The following ATG16L2 variants were observed in gnomAD, a reference collection of about 807,000 sequenced individuals.
ATG16L2 encodes the protein protein Atg16l2.
ATG16L2 carries 77 observed loss-of-function variants against 84.7 expected under a neutral mutation model. That is an observed-to-expected ratio of 0.91 (90% CI 0.76 to 1.10). The LOEUF is 1.10. ATG16L2 is among the 50% of genes least tolerant of loss of function. ATG16L2 has a pLI of 0.00. For synonymous variants in ATG16L2, 361 were observed against 342.8 expected (o/e 1.05, Z -0.59); for missense variants, 782 against 817.6 (o/e 0.96, Z 0.53).
chr11:72,826,453 A>G, intron 11 of ATG16L2, 65 bp from the exon 12 acceptor site: 1 of 1,599,912 alleles, frequency 6.3e-7, no homozygotes, highest in Non-Finnish European at 8.5e-7. Context: ...CCCTAGCCTC[A>G]TTCTGTGGCC....
chr11:72,824,136 T>C lies in ATG16L2; in HGVS notation c.887+14T>C, dbSNP rs769972686. The C allele has an allele frequency of 6.6e-5, 107 of 1,614,034 alleles. No homozygotes were observed. Among genetic ancestry groups the C allele is most frequent in the Admixed American group, 2.5e-4 (15 of 60,012 alleles). ...GGGGCTTCTGGAGTAAGTGTGTGTGTGCCTGTGTGTGCACCCACGTGTGTG... is the reference window on the plus strand; with the variant it reads ...GGGGCTTCTGGAGTAAGTGTGTGTGCGCCTGTGTGTGCACCCACGTGTGTG... On this transcript the variant is annotated intron_variant, in intron 8 of 17. Coordinates refer to ENST00000321297, the MANE Select transcript of ATG16L2 (RefSeq NM_033388.2).
chr11:72,830,889 C>A (rs142644434), downstream of ATG16L2, among the ~76,000 whole-genome samples: 93 of 152,360 alleles, frequency 6.1e-4, no homozygotes, highest in Middle Eastern at 3.4e-3. Context: ...CTTAGCCTCC[C>A]CAGTAGCTGG....
chr11:72,830,786 G>C (rs545938917), downstream of ATG16L2, among the ~76,000 whole-genome samples: 43 of 27,132 alleles, frequency 1.6e-3, no homozygotes, highest in African/African-American at 5.7e-3. Flanking sequence ...TCATTTCCTT[G>C]CTATTCATTC....
At chr11:72,830,985 T>C (rs886172128), downstream of ATG16L2, among the ~76,000 whole-genome samples, 1 of 152,224 alleles carries the variant, frequency 6.6e-6, no homozygotes, top group African/African-American at 2.4e-5. Context: ...TCCCAGAATG[T>C]TCTCCTTCCC....
intron 14 of ATG16L2, among the ~76,000 whole-genome samples, 168 bp downstream of exon 14, chr11:72,827,461 G>A (rs895744697): frequency 2.6e-4 from 40 of 152,312 alleles, no homozygotes; most frequent in Non-Finnish European, 4.6e-4. Context: ...CTCAGCTCCC[G>A]CAGGAAGCTG....
chr11:72,840,396 G>C (rs1860882624), intron 5 of ATG16L2, among the ~76,000 whole-genome samples: 1 of 152,232 alleles, frequency 6.6e-6, no homozygotes, highest in Admixed American at 6.5e-5. Context: ...TTGGAGTACA[G>C]TGGTGGGTGG....
rs1860083788 is a variant in ATG16L2, at chr11:72,822,672, C to T, written c.710+129C>T. The T allele has an allele frequency of 8.0e-7, 1 of 1,255,466 alleles. No individual in the cohort carries two copies. The highest frequency in any genetic ancestry group is 1.5e-5 in the African/African-American group (1 of 65,598). The allele number at this position is 1,255,466 out of a possible 1,614,324, so 77.8% of individuals were successfully genotyped here. On this transcript the variant is annotated intron_variant, in intron 6 of 17. Coordinates refer to ENST00000321297, the MANE Select transcript of ATG16L2 (RefSeq NM_033388.2). The surrounding 1 kb of genome is among the most constrained non-coding windows in gnomAD (Gnocchi z 4.2). The stretch of plus-strand genomic sequence containing the variant: ...GAGGCCCCCATGTGGTCGGAGCCCA[C>T]GAGACACCTGCAGAGGACCGTGTGG...
chr11:72,842,540 ACTTTTGTGTGGATC>A, intron 5 of ATG16L2: 1 of 1,560,228 alleles, frequency 6.4e-7, no homozygotes, highest in Admixed American at 1.8e-5. Context: ...ACTGCAGCCC[ACTTTTGTGTGGATC>A]CACAGACCCT....
In ATG16L2 at chr11:72,828,481, G is replaced by GT. The variant is rs759445648; in HGVS notation, c.1596dup (p.Val533CysfsTer18). The stretch of plus-strand genomic sequence containing the variant: ...AACACACTCAAGGTCATCGACCTGC[G>GT]TGTCAGCAACATCCGCCAGGTGTTC... On this transcript the variant is annotated frameshift_variant, in exon 15 of 18. Transcript: ENST00000321297. LOFTEE classifies it high-confidence loss of function. 1 of 1,614,182 alleles carries GT rather than the reference G, an allele frequency of 6.2e-7. No homozygotes were observed. Among genetic ancestry groups the GT allele is most frequent in the Non-Finnish European group, 8.5e-7 (1 of 1,180,044 alleles).
intron 3 of ATG16L2, chr11:72,819,156 CTG>C (rs1859840635): frequency 6.7e-6 from 1 of 148,510 alleles, no homozygotes; most frequent in Non-Finnish European, 1.5e-5. Flanking sequence ...GCTGTCCTTC[CTG>C]TCTTCCTGTG....
At position 72,814,419 on chromosome 11, in the gene ATG16L2, C is replaced by G; in HGVS notation, c.-27C>G. The G allele has an allele frequency of 7.2e-7, 1 of 1,390,548 alleles. No individual in the cohort carries two copies. Among genetic ancestry groups the G allele is most frequent in the Non-Finnish European group, 9.5e-7 (1 of 1,058,178 alleles). The allele number at this position is 1,390,548 out of a possible 1,614,324, so 86.1% of individuals were successfully genotyped here. A position where few individuals can be genotyped will look rare whatever the true frequency, so the allele number is the denominator to read the frequency against. On this transcript the variant is annotated 5_prime_UTR_variant, in exon 1 of 18. Coordinates refer to ENST00000321297, the MANE Select transcript of ATG16L2 (RefSeq NM_033388.2). ...CTGGCGCCGTCCTGGGCGGGAGGAA[C>G]GCGCCGCTAGGCGGGAGAGCGCGGC...
chr11:72,829,688 G>C, downstream of ATG16L2: 1 of 1,090,186 alleles, frequency 9.2e-7, no homozygotes, highest in Non-Finnish European at 1.1e-6. Context: ...CTTTGGGCTA[G>C]TGGGCTCTGG....
intron 14 of ATG16L2, 120 bp downstream of exon 14, chr11:72,827,413 G>A (rs946860359): frequency 1.2e-6 from 1 of 803,832 alleles, no homozygotes; most frequent in African/African-American, 1.7e-5. Flanking sequence ...AGGCAAGGCT[G>A]TGGGGCTGGC....
intron 5 of ATG16L2, chr11:72,842,496 C>T: frequency 8.6e-7 from 1 of 1,164,938 alleles, no homozygotes. Flanking sequence ...TGTGCAGACA[C>T]TGGCAACCAA....
intron 1 of ATG16L2, chr11:72,816,182 G>A (rs138454321): frequency 0.036 from 5,484 of 152,570 alleles, 158 homozygotes; most frequent in Non-Finnish European, 0.047. Context: ...GGGTTTCACC[G>A]TGTTAGCCAG....
chr11:72,843,552 T>C (rs1420810578), exon 6 of ATG16L2: 1 of 1,587,654 alleles, frequency 6.3e-7, no homozygotes, highest in South Asian at 1.1e-5. Context: ...AGGATGGTCA[T>C]GGACAAAATT....
intron 3 of ATG16L2, chr11:72,821,132 A>G (rs1474012705): frequency 4.9e-6 from 4 of 818,276 alleles, no homozygotes; most frequent in South Asian, 5.5e-5. Flanking sequence ...CTTGTGCCCA[A>G]ATCTCTTAGC....
chr11:72,826,804 G>C lies in ATG16L2; in HGVS notation c.1347G>C (p.Trp449Cys). Residue 449 changes from tryptophan to cysteine, a missense_variant, in exon 13 of 18, where the codon TGG becomes TGC. Coordinates refer to ENST00000321297, the MANE Select transcript of ATG16L2 (RefSeq NM_033388.2). ...TGSRDRTVKE[W>C]DLGRAYCSRT... ...GCCGCGACCGGACAGTGAAGGAGTG[G>C]GACCTCGGCCGTGCCTATTGTGAGC... 6.2e-7 allele frequency: 1 copy of C among 1,613,826 alleles called. No individual in the cohort carries two copies.
intron 8 of ATG16L2, chr11:72,824,438 C>T: frequency 1.8e-6 from 1 of 561,524 alleles, no homozygotes; most frequent in Admixed American, 3.1e-5. Context: ...GGGACTCATT[C>T]AGAGTCACAG....
Sources: allele counts gnomAD v4.1 joint callset (sites outside exome capture counted in the v4.1 genomes callset), GRCh38; gene constraint gnomAD v4.1.1; non-coding constraint Gnocchi (gnomAD v3.1); transcripts MANE v1.5; gene names NCBI Gene and HGNC (gene_info 2026-07-23, HGNC 2026-07-21).